The following CSNK1G1 variants were observed in gnomAD, a reference collection of about 807,000 sequenced individuals.
CSNK1G1 encodes the protein casein kinase 1 gamma 1, also known as casein kinase I isoform gamma-1.
CSNK1G1 carries 22 observed loss-of-function variants against 59.6 expected under a neutral mutation model. That is an observed-to-expected ratio of 0.37 (90% confidence interval 0.26 to 0.53). CSNK1G1 has a LOEUF of 0.53. Among genes scored for constraint, CSNK1G1 ranks in the 20% least tolerant of loss-of-function variants. The probability of loss-of-function intolerance (pLI) is 0.89; values close to 1 mark genes in which losing one functional copy is unlikely to be tolerated. For missense variants in CSNK1G1, 384 were observed against 519.5 expected (o/e 0.74, Z 2.54); for synonymous variants, 179 against 177.1 (o/e 1.01, Z -0.08).
chr15:64,297,915 T>C (rs1596240129), intron 2 of CSNK1G1, among the ~76,000 whole-genome samples: 1 of 152,218 alleles, frequency 6.6e-6, no homozygotes, highest in Non-Finnish European at 1.5e-5. Flanking sequence ...GCCCACTCTA[T>C]TGTCAGGAAG....
intron 1 of CSNK1G1, among the ~76,000 whole-genome samples, chr15:64,347,812 C>G (rs1265862033): frequency 1.3e-5 from 2 of 151,840 alleles, no homozygotes; most frequent in Non-Finnish European, 2.9e-5. Context: ...TCGAGACCAT[C>G]TTGGCCAACA....
chr15:64,263,565 A>C (rs1341584426), intron 2 of CSNK1G1, among the ~76,000 whole-genome samples: 1 of 152,146 alleles, frequency 6.6e-6, no homozygotes, highest in African/African-American at 2.4e-5. Flanking sequence ...CTTTCAACTA[A>C]ATTTTCCATT....
chr15:64,257,665 G>A (rs761405163), intron 3 of CSNK1G1, among the ~76,000 whole-genome samples: 2 of 152,058 alleles, frequency 1.3e-5, no homozygotes, highest in Non-Finnish European at 2.9e-5. Flanking sequence ...GGGGACTATA[G>A]GTGTGTGCCA....
chr15:64,297,801 C>T (rs1305174234), intron 2 of CSNK1G1, among the ~76,000 whole-genome samples: 1 of 151,910 alleles, frequency 6.6e-6, no homozygotes, highest in Non-Finnish European at 1.5e-5. Flanking sequence ...TAGGTGGTAG[C>T]CATGATGTAG....
intron 1 of CSNK1G1, among the ~76,000 whole-genome samples, chr15:64,344,459 T>C (rs1362145343): frequency 6.6e-6 from 1 of 152,340 alleles, no homozygotes; most frequent in South Asian, 2.1e-4. Flanking sequence ...TGCAGCCAAA[T>C]GTGTGCTCAT....
rs187704198 is a variant in CSNK1G1 at position 64,340,919 on chromosome 15, C to T, written c.-225+15069G>A. Among the ~76,000 whole-genome samples, 47 of 152,232 alleles carry T rather than the reference C, an allele frequency of 3.1e-4. 1 individual carries two copies. Among genetic ancestry groups the T allele is most frequent in the Middle Eastern group, 6.8e-3 (2 of 294 alleles). On this transcript the variant is annotated intron_variant, in intron 1 of 11. Coordinates refer to ENST00000303052, the MANE Select transcript of CSNK1G1 (RefSeq NM_022048.5). ...ACTGCAGTGAGCCATGATCACACCA[C>T]GGCACTCCAACCTGGGCAATAGAGT...
At chr15:64,329,382 A>G (rs1897005130) in intron 1 of CSNK1G1, among the ~76,000 whole-genome samples, 3 of 148,592 alleles carry the variant, frequency 2.0e-5, no homozygotes, top group Admixed American at 2.0e-4. Flanking sequence ...ACTCAAAGCC[A>G]CTCAACTACA....
At chr15:64,301,623 C>T (rs902143559) in intron 1 of CSNK1G1, among the ~76,000 whole-genome samples, 66 of 152,140 alleles carry the variant, frequency 4.3e-4, no homozygotes, top group African/African-American at 1.5e-3. Flanking sequence ...TGTGGTGGCT[C>T]ACGCCTGTAA....
intron 4 of CSNK1G1, among the ~76,000 whole-genome samples, chr15:64,229,942 G>A (rs12913720): frequency 7.9e-4 from 12 of 15,108 alleles, no homozygotes; most frequent in Admixed American, 1.3e-3. Flanking sequence ...TTTTTTTTAA[G>A]ACAGAATCTC....
At chr15:64,339,037 G>A (rs947192541) in intron 1 of CSNK1G1, among the ~76,000 whole-genome samples, 1 of 152,014 alleles carries the variant, frequency 6.6e-6, no homozygotes, top group African/African-American at 2.4e-5. Flanking sequence ...GTACTTCCAA[G>A]AAAAGGGGAG....
chr15:64,173,162 T>C (rs75833546), intron 11 of CSNK1G1, among the ~76,000 whole-genome samples: 1,884 of 152,334 alleles, frequency 0.012, 29 homozygotes, highest in African/African-American at 0.044. Flanking sequence ...GCAATATTCA[T>C]ATGGAAATAA....
intron 1 of CSNK1G1, among the ~76,000 whole-genome samples, chr15:64,304,153 C>A (rs1198035125): frequency 6.6e-6 from 1 of 151,674 alleles, no homozygotes; most frequent in South Asian, 2.1e-4. Context: ...TTTGGGAGGC[C>A]GAGGTGGGCA....
chr15:64,194,666 G>C (rs1361618130), intron 10 of CSNK1G1, among the ~76,000 whole-genome samples: 1 of 151,788 alleles, frequency 6.6e-6, no homozygotes, highest in African/African-American at 2.4e-5. Context: ...ACAGGCATGA[G>C]CCACCATGCC....
At position 64,321,191 on chromosome 15, in the gene CSNK1G1, G is replaced by A. The variant is rs1004551119; in HGVS notation, c.-224-20468C>T. On this transcript the variant is annotated intron_variant, in intron 1 of 11. Coordinates refer to ENST00000303052, the MANE Select transcript of CSNK1G1 (RefSeq NM_022048.5). Reference sequence around the variant, plus strand: ...AATTTAATGTATTATTTAAGGAAATGAGCATCACACAAAATAACAGCTTAT... The same window carrying A: ...AATTTAATGTATTATTTAAGGAAATAAGCATCACACAAAATAACAGCTTAT... Among the ~76,000 whole-genome samples the A allele has an allele frequency of 3.3e-5, 5 of 151,108 alleles. No individual in the cohort carries two copies. The East Asian group carries it at 7.7e-4, about 23-fold the overall frequency.
chr15:64,300,485 A>G lies in CSNK1G1; in HGVS notation c.15T>C (p.Ser5=). 1 of 1,614,044 alleles carries G rather than the reference A, an allele frequency of 6.2e-7. No individual in the cohort carries two copies. Among genetic ancestry groups the G allele is most frequent in the Non-Finnish European group, 8.5e-7 (1 of 1,179,964 alleles). MDHP[S]REKDERQRTT... is the part of the protein sequence containing the mutation. ...TCCGTTGTCTTTCATCCTTTTCCCT[A>G]CTAGGATGGTCCATGATCCTACAGG... The change falls in exon 2 of 12, where the codon AGT becomes AGC. Residue 5 remains serine, a synonymous_variant. Transcript: ENST00000303052.
At chr15:64,299,432 C>CA (rs1328869537) in intron 2 of CSNK1G1, among the ~76,000 whole-genome samples, 1 of 151,768 alleles carries the variant, frequency 6.6e-6, no homozygotes, top group Non-Finnish European at 1.5e-5. Context: ...ACTAAAAATA[C>CA]AAAAACAAAA....
chr15:64,228,310 C>T (rs1340368400), intron 4 of CSNK1G1, among the ~76,000 whole-genome samples: 1 of 152,144 alleles, frequency 6.6e-6, no homozygotes, highest in Non-Finnish European at 1.5e-5. Context: ...TTTTAGACAA[C>T]CAAACATAAC....
At chr15:64,275,433 A>G (rs1893556275) in intron 2 of CSNK1G1, among the ~76,000 whole-genome samples, 1 of 152,242 alleles carries the variant, frequency 6.6e-6, no homozygotes, top group Non-Finnish European at 1.5e-5. Flanking sequence ...TTTCACTTTT[A>G]CTAACTTAAT....
At chr15:64,265,673 A>C (rs571627004) in intron 2 of CSNK1G1, 59 of 353,602 alleles carry the variant, frequency 1.7e-4, no homozygotes, top group Non-Finnish European at 1.8e-4. Context: ...AAAAAAAAAA[A>C]AAAACCTAGG....
Sources: allele counts gnomAD v4.1 joint callset (sites outside exome capture counted in the v4.1 genomes callset), GRCh38; gene constraint gnomAD v4.1.1; transcripts MANE v1.5; gene names NCBI Gene and HGNC (gene_info 2026-07-23, HGNC 2026-07-21).